GRID1: variants seen among roughly 807,000 people sequenced by gnomAD.
GRID1 encodes glutamate receptor ionotropic, delta-1.
Under a neutral mutation model 98.0 loss-of-function variants are expected in GRID1, and 28 were observed. That is an observed-to-expected ratio of 0.29 (90% CI 0.21 to 0.39). GRID1 has a LOEUF of 0.39. GRID1 is among the 10% of genes least tolerant of loss of function. GRID1 has a pLI of 1.00. For missense variants in GRID1, 1,111 were observed against 1,340.5 expected (o/e 0.83, Z 2.67); for synonymous variants, 553 against 538.5 (o/e 1.03, Z -0.37).
chr10:85,756,995 T>C (rs1320944778), intron 8 of GRID1, among the ~76,000 whole-genome samples: 1 of 152,178 alleles, frequency 6.6e-6, no homozygotes, highest in African/African-American at 2.4e-5. Context: ...TGGATGAAAA[T>C]GTTCTCATAG....
chr10:85,640,566 C>T (rs1843104315), intron 13 of GRID1, among the ~76,000 whole-genome samples: 1 of 152,192 alleles, frequency 6.6e-6, no homozygotes, highest in South Asian at 2.1e-4. Context: ...CCAGGAGCTG[C>T]CACATATGAG....
intron 12 of GRID1, among the ~76,000 whole-genome samples, chr10:85,650,542 C>A (rs1819816960): frequency 6.6e-6 from 1 of 152,170 alleles, no homozygotes. Flanking sequence ...GAATACATGG[C>A]AGGCATCATC....
At chr10:85,809,248 T>C (rs1203442824) in intron 8 of GRID1, among the ~76,000 whole-genome samples, 2 of 152,062 alleles carry the variant, frequency 1.3e-5, no homozygotes, top group Non-Finnish European at 2.9e-5. Context: ...CAAGTTCCTG[T>C]TAAAAATGTC....
At chr10:86,359,970 G>A (rs868547817) in intron 2 of GRID1, among the ~76,000 whole-genome samples, 8 of 152,278 alleles carry the variant, frequency 5.3e-5, no homozygotes, top group African/African-American at 1.9e-4. Flanking sequence ...CTTATCAAAT[G>A]GATATTTTAT....
intron 2 of GRID1, among the ~76,000 whole-genome samples, chr10:86,228,301 C>T (rs1398004211): frequency 3.1e-5 from 1 of 32,188 alleles, no homozygotes; most frequent in African/African-American, 1.3e-4. Flanking sequence ...TGGCTTGGTG[C>T]ATGGGAGGGG....
At chr10:85,838,965 G>T (rs946289903) in intron 8 of GRID1, among the ~76,000 whole-genome samples, 2 of 151,900 alleles carry the variant, frequency 1.3e-5, no homozygotes, top group African/African-American at 4.8e-5. Flanking sequence ...CCAAGCAAAT[G>T]GGAAACAGAA....
At chr10:85,737,686 T>TTATA (rs368871750) in intron 8 of GRID1, among the ~76,000 whole-genome samples, 12 of 95,548 alleles carry the variant, frequency 1.3e-4, no homozygotes, top group East Asian at 2.7e-4. Context: ...ACATATATGG[T>TTATA]TATATATATA....
At chr10:85,783,759 C>T (rs557932359) in intron 8 of GRID1, among the ~76,000 whole-genome samples, 1 of 152,312 alleles carries the variant, frequency 6.6e-6, no homozygotes, top group South Asian at 2.1e-4. Flanking sequence ...CTGCCCAAAA[C>T]TCCCTCTCAT....
intron 4 of GRID1, among the ~76,000 whole-genome samples, chr10:86,114,114 TTCCCCAGC>T (rs1324793127): frequency 6.6e-6 from 1 of 151,908 alleles, no homozygotes; most frequent in African/African-American, 2.4e-5. Context: ...TGGGGCCTCA[TTCCCCAGC>T]AGGGGCTCTC....
chr10:85,937,114 C>G (rs1401280803), intron 4 of GRID1, among the ~76,000 whole-genome samples: 3 of 152,212 alleles, frequency 2.0e-5, no homozygotes, highest in Non-Finnish European at 4.4e-5. Flanking sequence ...CCCTGCACAT[C>G]TGATTCACCT....
intron 5 of GRID1, among the ~76,000 whole-genome samples, chr10:85,872,150 C>A (rs1271839525): frequency 2.6e-5 from 4 of 152,032 alleles, no homozygotes; most frequent in Non-Finnish European, 4.4e-5. Context: ...GCCCCGAACA[C>A]AGGATACAGA....
At chr10:85,744,558 AC>A (rs1168945596) in intron 8 of GRID1, among the ~76,000 whole-genome samples, 1 of 136,212 alleles carries the variant, frequency 7.3e-6, no homozygotes, top group Admixed American at 7.7e-5. Flanking sequence ...TACACCTTAT[AC>A]AAAAATCAAT....
chr10:85,948,708 A>G (rs1042738597), intron 4 of GRID1, among the ~76,000 whole-genome samples: 6 of 152,206 alleles, frequency 3.9e-5, no homozygotes, highest in African/African-American at 1.4e-4. Flanking sequence ...TGCAACTTGT[A>G]TTAACTCTTC....
chr10:85,921,452 G>A (rs1200201369), intron 4 of GRID1, among the ~76,000 whole-genome samples: 1 of 152,216 alleles, frequency 6.6e-6, no homozygotes, highest in Non-Finnish European at 1.5e-5. Flanking sequence ...AGTTGTAAGT[G>A]ACACAGGACA....
chr10:85,950,150 T>C (rs1335032149), intron 4 of GRID1, among the ~76,000 whole-genome samples: 1 of 152,106 alleles, frequency 6.6e-6, no homozygotes, highest in Non-Finnish European at 1.5e-5. Context: ...TTCATGGAAA[T>C]AGGGAGCAGA....
chr10:85,853,411 G>A (rs1270930183), intron 8 of GRID1, among the ~76,000 whole-genome samples: 2 of 152,192 alleles, frequency 1.3e-5, no homozygotes, highest in East Asian at 3.9e-4. Flanking sequence ...ACCATCATTA[G>A]TAGAGACATC....
intron 4 of GRID1, among the ~76,000 whole-genome samples, chr10:86,096,858 T>C (rs117302456): frequency 6.6e-6 from 1 of 152,336 alleles, no homozygotes; most frequent in South Asian, 2.1e-4. Context: ...GTACTGTTTC[T>C]TCCGTAGCCA....
chr10:85,805,114 T>C (rs952789067), intron 8 of GRID1, among the ~76,000 whole-genome samples: 1 of 151,118 alleles, frequency 6.6e-6, no homozygotes, highest in Non-Finnish European at 1.5e-5. Flanking sequence ...ATACATAATA[T>C]ATAGGAATAT....
intron 2 of GRID1, among the ~76,000 whole-genome samples, chr10:86,331,863 A>G (rs187755292): frequency 1.2e-3 from 185 of 152,370 alleles, no homozygotes; most frequent in African/African-American, 4.3e-3. Context: ...AGTGATGAGC[A>G]TCCAGCCGCT....
Sources: allele counts gnomAD v4.1 joint callset (sites outside exome capture counted in the v4.1 genomes callset), GRCh38; gene constraint gnomAD v4.1.1; transcripts MANE v1.5; gene names NCBI Gene and HGNC (gene_info 2026-07-23, HGNC 2026-07-21).